The following EAF2 variants were observed in gnomAD, a reference collection of about 807,000 sequenced individuals.
The protein encoded by EAF2 is ELL-associated factor 2.
A neutral mutation model predicts 29.4 loss-of-function variants in EAF2; 29 were observed. The ratio of observed to expected loss-of-function variants is 0.99; its 90% CI spans 0.73 to 1.35. The LOEUF (loss-of-function observed/expected upper bound fraction) is 1.35, where lower values mean the gene tolerates loss of function less well. Among genes scored for constraint, EAF2 ranks in the 40% most tolerant of loss-of-function variants. The pLI, the probability that EAF2 is intolerant of heterozygous loss-of-function variation, is 0.00. For synonymous variants in EAF2, 103 were observed against 102.5 expected, an observed-to-expected ratio of 1.00 and a Z score of -0.03; for missense variants, 292 against 312.0, an observed-to-expected ratio of 0.94 and a Z score of 0.48.
chr3:121,869,120 T>C (rs1708970865), intron 4 of EAF2, among the ~76,000 whole-genome samples: 1 of 152,134 alleles, frequency 6.6e-6, no homozygotes, highest in Non-Finnish European at 1.5e-5. Flanking sequence ...GATCCATGGG[T>C]TAAAGAAGAA....
At chr3:121,859,023 G>T (rs1027959778) in intron 4 of EAF2, among the ~76,000 whole-genome samples, 2 of 152,074 alleles carry the variant, frequency 1.3e-5, no homozygotes, top group Admixed American at 1.3e-4. Context: ...TGTTCCATTG[G>T]TCTATATATG....
intron 5 of EAF2, among the ~76,000 whole-genome samples, chr3:121,879,382 T>G (rs1709154240): frequency 6.6e-6 from 1 of 152,126 alleles, no homozygotes; most frequent in Non-Finnish European, 1.5e-5. Flanking sequence ...AGAAGCTTTT[T>G]AGTTTGATGT....
intron 5 of EAF2, 176 bp downstream of exon 5, chr3:121,872,964 C>T (rs1709042784): frequency 6.1e-6 from 6 of 984,500 alleles, no homozygotes; most frequent in Non-Finnish European, 9.2e-6. Context: ...ATAATGCCTT[C>T]TTGGTTTTTC....
chr3:121,842,786 C>G lies in EAF2; in HGVS notation c.107-1667C>G, dbSNP rs59981478. On this transcript the variant is annotated intron_variant, in intron 1 of 5. Coordinates refer to ENST00000273668, the MANE Select transcript of EAF2 (RefSeq NM_018456.6). ...TTTCAACAATTGACATTATTTAAAA[C>G]TTATTTCCCTCAGTCCAAACCCTTT... is the stretch of plus-strand genomic sequence containing the variant. Among the ~76,000 whole-genome samples, 811 of 152,228 alleles carry G rather than the reference C, an allele frequency of 5.3e-3. 9 individuals carry two copies. Among genetic ancestry groups the G allele is most frequent in the African/African-American group, 0.019 (779 of 41,530 alleles).
chr3:121,840,492 AAAAAAAAAAAAAAAAAG>A (rs1302530201), intron 1 of EAF2, among the ~76,000 whole-genome samples: 3 of 86,948 alleles, frequency 3.5e-5, no homozygotes, highest in Non-Finnish European at 2.4e-5. Flanking sequence ...TTCGTCTAAA[AAAAAAAAAAAAAAAAAG>A]AAAAAAAAAA....
chr3:121,845,324 G>A (rs1708507464), intron 2 of EAF2, among the ~76,000 whole-genome samples: 1 of 150,704 alleles, frequency 6.6e-6, no homozygotes, highest in Non-Finnish European at 1.5e-5. Flanking sequence ...TGTAGTCCCA[G>A]CTATTTGGGA....
intron 2 of EAF2, among the ~76,000 whole-genome samples, chr3:121,845,459 A>AAAAAAAAAAAAAAAAAAG (rs71133578): frequency 5.7e-4 from 55 of 96,632 alleles, no homozygotes; most frequent in Non-Finnish European, 7.3e-4. Flanking sequence ...AAAAAAAAAA[A>AAAAAAAAAAAAAAAAAAG]AAAGAAAGAA....
chr3:121,864,435 A>G (rs1708889085), intron 4 of EAF2, among the ~76,000 whole-genome samples: 1 of 152,186 alleles, frequency 6.6e-6, no homozygotes. Flanking sequence ...TTGAATTATG[A>G]TGTCTTTATA....
intron 5 of EAF2, among the ~76,000 whole-genome samples, chr3:121,880,674 G>A (rs564521704): frequency 2.0e-5 from 3 of 152,088 alleles, no homozygotes; most frequent in South Asian, 2.1e-4. Flanking sequence ...TTGCAAACAG[G>A]GACAGTTTGA....
chr3:121,846,956 C>G (rs987687039), intron 2 of EAF2, among the ~76,000 whole-genome samples: 1 of 152,120 alleles, frequency 6.6e-6, no homozygotes, highest in Non-Finnish European at 1.5e-5. Context: ...TGTTTTCAAG[C>G]CTGTGAATTG....
At chr3:121,870,980 T>C (rs1438212678) in intron 4 of EAF2, among the ~76,000 whole-genome samples, 1 of 152,056 alleles carries the variant, frequency 6.6e-6, no homozygotes, top group Non-Finnish European at 1.5e-5. Context: ...AACTGGGAGT[T>C]TTTAATGAAA....
chr3:121,852,536 G>A (rs534874044), intron 2 of EAF2, among the ~76,000 whole-genome samples: 2 of 152,214 alleles, frequency 1.3e-5, no homozygotes, highest in South Asian at 2.1e-4. Context: ...TAGTCTTTGG[G>A]AGAGGTAAAA....
chr3:121,839,455 A>G (rs1449346403), intron 1 of EAF2, among the ~76,000 whole-genome samples: 1 of 152,226 alleles, frequency 6.6e-6, no homozygotes, highest in Non-Finnish European at 1.5e-5. Context: ...TGTTACTGTG[A>G]GAAAAATATT....
chr3:121,870,494 G>C (rs1213022193), intron 4 of EAF2, among the ~76,000 whole-genome samples: 2 of 152,102 alleles, frequency 1.3e-5, no homozygotes, highest in African/African-American at 4.8e-5. Context: ...TTGGAGAATG[G>C]AGAAGAAGGA....
rs1215953131 is a variant in EAF2 at position 121,847,645 on chromosome 3, A to AG, written c.201+3105dup. Among the ~76,000 whole-genome samples, 10 of 151,956 alleles carry AG rather than the reference A, an allele frequency of 6.6e-5. No individual in the cohort carries two copies. The East Asian group carries it at 1.9e-3, about 29-fold the overall frequency. On this transcript the variant is annotated intron_variant, in intron 2 of 5. Coordinates refer to ENST00000273668, the MANE Select transcript of EAF2 (RefSeq NM_018456.6). ...CAGTGAAAATGAAAGAGTTGGGGAG[A>AG]GGGGGGGAGGAAGTATGCAAGGAGA...
intron 3 of EAF2, 107 bp downstream of exon 3, chr3:121,854,930 G>C: frequency 1.8e-6 from 2 of 1,092,586 alleles, no homozygotes; most frequent in Non-Finnish European, 2.5e-6. Context: ...TTTCTGTGTG[G>C]TACAAAAATG....
intron 5 of EAF2, among the ~76,000 whole-genome samples, chr3:121,881,758 A>C (rs1709194277): frequency 6.6e-6 from 1 of 151,890 alleles, no homozygotes; most frequent in Non-Finnish European, 1.5e-5. Flanking sequence ...CAATCCACCC[A>C]CCTCAGTCTC....
chr3:121,858,452 C>T (rs1312633220), intron 4 of EAF2, among the ~76,000 whole-genome samples: 1 of 152,198 alleles, frequency 6.6e-6, no homozygotes, highest in Non-Finnish European at 1.5e-5. Context: ...TGTCTGTTGG[C>T]TGCATAAATG....
intron 2 of EAF2, among the ~76,000 whole-genome samples, chr3:121,845,495 A>C (rs1176136444): frequency 6.6e-6 from 1 of 150,386 alleles, no homozygotes; most frequent in Non-Finnish European, 1.5e-5. Context: ...AAAATGATTG[A>C]TAGCAACAGA....
Sources: allele counts gnomAD v4.1 joint callset (sites outside exome capture counted in the v4.1 genomes callset), GRCh38; gene constraint gnomAD v4.1.1; transcripts MANE v1.5; gene names NCBI Gene and HGNC (gene_info 2026-07-23, HGNC 2026-07-21).